Variants in ASXL2 observed in about 807,000 individuals in gnomAD.
ASXL2 encodes putative Polycomb group protein ASXL2.
ASXL2 carries 23 observed loss-of-function variants against 122.0 expected under a neutral mutation model. That is an observed-to-expected ratio of 0.19 (90% CI 0.14 to 0.27). The LOEUF is 0.27. ASXL2 is among the 10% of genes least tolerant of loss of function. The pLI is 1.00. For synonymous variants in ASXL2, 650 were observed against 637.0 expected (o/e 1.02, Z -0.31); for missense variants, 1,518 against 1,713.8 (o/e 0.89, Z 2.02).
intron 5 of ASXL2, among the ~76,000 whole-genome samples, chr2:25,774,237 A>C (rs2149157773): frequency 6.6e-6 from 1 of 152,186 alleles, no homozygotes; most frequent in East Asian, 1.9e-4. Flanking sequence ...AACAACCTGC[A>C]CATGTACCCC....
intron 1 of ASXL2, among the ~76,000 whole-genome samples, chr2:25,865,951 T>C (rs1333929866): frequency 2.0e-5 from 3 of 152,074 alleles, no homozygotes; most frequent in Non-Finnish European, 4.4e-5. Context: ...ATTCAAACTA[T>C]GGTGAAACCT....
rs753194333 is a variant in ASXL2 at position 25,749,832 on chromosome 2, T to C, written c.1724A>G (p.Glu575Gly). The change falls in exon 12 of 13, where the codon GAA (glutamate) becomes GGA (glycine). Residue 575 changes from glutamate to glycine, a missense_variant. By Grantham distance (98) the Glu-to-Gly change is moderately conservative. Around this residue, in one of 8 missense-constraint regions of ASXL2, gnomAD observed 292 missense variants for 293.5 expected, o/e 1.00. Coordinates refer to ENST00000435504, the MANE Select transcript of ASXL2 (RefSeq NM_018263.6). ...CTTCTCCCAGCTCACAGGGGCCTCT[T>C]CTTGGGTGAGGGAAGACTTCCTCTT... ...SLKRKSSLTQ[E>G]EAPVSWEKRP... The C allele has an allele frequency of 1.2e-6, 2 of 1,610,358 alleles. No homozygotes were observed. Among genetic ancestry groups the C allele is most frequent in the Non-Finnish European group, 8.5e-7 (1 of 1,178,988 alleles).
At chr2:25,869,092 G>A (rs1425536729) in intron 1 of ASXL2, among the ~76,000 whole-genome samples, 7 of 151,414 alleles carry the variant, frequency 4.6e-5, no homozygotes, top group African/African-American at 1.7e-4. Flanking sequence ...TTGAACCTTG[G>A]AGGTGGAGGT....
intron 5 of ASXL2, among the ~76,000 whole-genome samples, chr2:25,776,724 T>C (rs988265855): frequency 6.6e-6 from 1 of 152,210 alleles, no homozygotes; most frequent in Non-Finnish European, 1.5e-5. Context: ...GTTAAAACTA[T>C]TAATATTTTC....
chr2:25,866,750 TGA>T (rs1170651759), intron 1 of ASXL2, among the ~76,000 whole-genome samples: 3 of 152,106 alleles, frequency 2.0e-5, no homozygotes, highest in Non-Finnish European at 4.4e-5. Flanking sequence ...TAAAAGAATC[TGA>T]GATAGAGTCT....
In ASXL2 at chr2:25,740,838, C is replaced by T; in HGVS notation, c.*1191G>A. The T allele has an allele frequency of 5.2e-6, 1 of 192,742 alleles. No homozygotes were observed. The highest frequency in any genetic ancestry group is 1.1e-5 in the Non-Finnish European group (1 of 92,438). 11.9% of individuals were successfully genotyped at this position (192,742 alleles called of 1,614,324 possible). On this transcript the variant is annotated 3_prime_UTR_variant, in exon 13 of 13. Coordinates refer to ENST00000435504, the MANE Select transcript of ASXL2 (RefSeq NM_018263.6). ...TGTATTGTGTGTGTGTGTGTACATA[C>T]ACGTATGTGTAAAGTAAGATATAAT...
chr2:25,811,055 TACACACACACACACACACAC>T (rs34006530), intron 3 of ASXL2, among the ~76,000 whole-genome samples: 1 of 116,358 alleles, frequency 8.6e-6, no homozygotes, highest in Non-Finnish European at 1.8e-5. Context: ...AATACAAAAA[TACACACACACACACACACAC>T]ACACACACAC....
chr2:25,755,045 C>T (rs766343488), intron 10 of ASXL2, among the ~76,000 whole-genome samples: 1 of 152,168 alleles, frequency 6.6e-6, no homozygotes, highest in Non-Finnish European at 1.5e-5. Context: ...ATTCCTAATG[C>T]GTTCCTTACA....
intron 1 of ASXL2, among the ~76,000 whole-genome samples, chr2:25,852,142 T>G (rs1272868318): frequency 6.6e-6 from 1 of 152,220 alleles, no homozygotes; most frequent in African/African-American, 2.4e-5. Flanking sequence ...CTCATTCCAC[T>G]GAACTGCTCA....
chr2:25,872,219 A>C (rs1308548943), intron 1 of ASXL2, among the ~76,000 whole-genome samples: 1 of 151,992 alleles, frequency 6.6e-6, no homozygotes, highest in Non-Finnish European at 1.5e-5. Context: ...CCATCTCTAC[A>C]AAAAATACAA....
At chr2:25,847,738 A>G (rs148632908) in intron 1 of ASXL2, among the ~76,000 whole-genome samples, 15 of 152,332 alleles carry the variant, frequency 9.8e-5, no homozygotes, top group African/African-American at 3.6e-4. Context: ...CAACCATATG[A>G]AAAAGCATTT....
rs374107875 is a variant in ASXL2, at chr2:25,770,918, T to C, written c.504+522A>G. 2.0e-5 allele frequency among the ~76,000 whole-genome samples: 3 copies of C among 151,534 alleles called. No individual in the cohort carries two copies. In the East Asian group the frequency reaches 5.9e-4, roughly 30 times the overall value. On this transcript the variant is annotated intron_variant, in intron 6 of 12. Coordinates refer to ENST00000435504, the MANE Select transcript of ASXL2 (RefSeq NM_018263.6). ...GATTCTGAGCAAACTACGAACAAAT[T>C]AGACACTTTAAAAAATGTGATAAAA...
intron 1 of ASXL2, among the ~76,000 whole-genome samples, chr2:25,857,335 G>C (rs1196757824): frequency 6.6e-6 from 1 of 152,170 alleles, no homozygotes; most frequent in Non-Finnish European, 1.5e-5. Flanking sequence ...CTAGACACAA[G>C]AGAGTCTAGG....
intron 2 of ASXL2, among the ~76,000 whole-genome samples, chr2:25,838,316 C>A (rs970603803): frequency 1.3e-5 from 2 of 152,190 alleles, no homozygotes; most frequent in Admixed American, 6.6e-5. Flanking sequence ...TTGCCATCCA[C>A]TGAACTAGAG....
chr2:25,878,023 C>G (rs888950756), intron 1 of ASXL2, 143 bp downstream of exon 1: 62 of 1,037,288 alleles, frequency 6.0e-5, no homozygotes, highest in Non-Finnish European at 7.9e-5. Context: ...GATCGCAACC[C>G]CGACACTAAC....
chr2:25,875,582 C>T (rs2090003502), intron 1 of ASXL2, among the ~76,000 whole-genome samples: 1 of 152,130 alleles, frequency 6.6e-6, no homozygotes, highest in Non-Finnish European at 1.5e-5. Flanking sequence ...TAAACACACA[C>T]ACCCCGTATC....
chr2:25,820,416 AG>A (rs1311658728), intron 3 of ASXL2, among the ~76,000 whole-genome samples: 2 of 152,224 alleles, frequency 1.3e-5, no homozygotes, highest in Non-Finnish European at 1.5e-5. Context: ...TTTTTAAAAA[AG>A]TAAGTATATG....
Position 25,742,160 on chromosome 2 carries a change from T to G in ASXL2, c.4177A>C (p.Ile1393Leu). 1 of 1,614,054 alleles carries G rather than the reference T, an allele frequency of 6.2e-7. No individual in the cohort carries two copies. Among genetic ancestry groups the G allele is most frequent in the Non-Finnish European group, 8.5e-7 (1 of 1,179,902 alleles). Residue 1393 changes from isoleucine to leucine, a missense_variant, in exon 13 of 13, where the codon ATA becomes CTA. Around this residue, in one of 8 missense-constraint regions of ASXL2, gnomAD observed 831 missense variants for 833.1 expected, o/e 1.00. Coordinates refer to ENST00000435504, the MANE Select transcript of ASXL2 (RefSeq NM_018263.6). ...TAACATTTCGAAGGCGTGCCCTCTA[T>G]GCTGTTCTCTTCGGAGAACGCCTGA... ...PVQAFSEENSIEGTPSKCYCR... is the reference protein window; with the variant it reads ...PVQAFSEENSLEGTPSKCYCR...
At chr2:25,869,421 T>C (rs1360917482) in intron 1 of ASXL2, among the ~76,000 whole-genome samples, 1 of 151,814 alleles carries the variant, frequency 6.6e-6, no homozygotes, top group Non-Finnish European at 1.5e-5. Context: ...TGTAAGAAAC[T>C]CAGTTAAGGT....
Sources: allele counts gnomAD v4.1 joint callset (sites outside exome capture counted in the v4.1 genomes callset), GRCh38; gene constraint gnomAD v4.1.1; regional missense constraint gnomAD v4.1.1; transcripts MANE v1.5; gene names NCBI Gene and HGNC (gene_info 2026-07-23, HGNC 2026-07-21).